WWOX: variants seen among roughly 807,000 people sequenced by gnomAD.
The protein encoded by WWOX is WW domain-containing oxidoreductase.
Under a neutral mutation model 46.2 loss-of-function variants are expected in WWOX, and 69 were observed. The ratio of observed to expected loss-of-function variants is 1.49; its 90% CI spans 1.23 to 1.82. The LOEUF is 1.82. Ranked by LOEUF, WWOX falls within the 40% of genes most tolerant of loss-of-function variation. WWOX has a pLI of 0.00. For missense variants in WWOX, 919 were observed against 542.6 expected (o/e 1.69, Z -6.89); for synonymous variants, 359 against 202.6 (o/e 1.77, Z -6.56).
At chr16:78,569,894 A>T (rs551946990) in intron 8 of WWOX, among the ~76,000 whole-genome samples, 1 of 152,218 alleles carries the variant, frequency 6.6e-6, no homozygotes, top group Non-Finnish European at 1.5e-5. Context: ...TTCCTTGATC[A>T]TAAATACCCA....
intron 5 of WWOX, among the ~76,000 whole-genome samples, chr16:78,250,613 G>T (rs2037958848): frequency 6.6e-6 from 1 of 152,142 alleles, no homozygotes; most frequent in African/African-American, 2.4e-5. Flanking sequence ...AGCTGAAGAA[G>T]ACACTCAGAG....
At chr16:78,984,657 A>C (rs532941104) in intron 8 of WWOX, among the ~76,000 whole-genome samples, 2 of 152,350 alleles carry the variant, frequency 1.3e-5, no homozygotes, top group Non-Finnish European at 2.9e-5. Context: ...TTGGAACAAC[A>C]TACAAACTGA....
At chr16:78,324,409 C>T (rs2080562742) in intron 5 of WWOX, among the ~76,000 whole-genome samples, 1 of 152,024 alleles carries the variant, frequency 6.6e-6, no homozygotes, top group Non-Finnish European at 1.5e-5. Context: ...CAAGAGTTCC[C>T]ATATGACCTA....
chr16:78,597,756 A>C (rs1597325857), intron 8 of WWOX, among the ~76,000 whole-genome samples: 1 of 77,078 alleles, frequency 1.3e-5, no homozygotes. Flanking sequence ...GTTTATTTAT[A>C]TGTGTATATA....
At chr16:78,228,871 C>A (rs1437946051) in intron 5 of WWOX, among the ~76,000 whole-genome samples, 1 of 152,122 alleles carries the variant, frequency 6.6e-6, no homozygotes, top group Non-Finnish European at 1.5e-5. Context: ...CTTTTTGTGC[C>A]AAGTGTCCGT....
intron 8 of WWOX, among the ~76,000 whole-genome samples, chr16:78,524,935 G>C (rs1194175489): frequency 6.9e-6 from 1 of 144,654 alleles, no homozygotes; most frequent in Non-Finnish European, 1.5e-5. Context: ...ACGTGATCAA[G>C]GCTCACTGCA....
intron 5 of WWOX, among the ~76,000 whole-genome samples, chr16:78,236,492 C>T (rs1453609785): frequency 6.6e-6 from 1 of 152,164 alleles, no homozygotes; most frequent in Non-Finnish European, 1.5e-5. Context: ...GGACACCTTT[C>T]ACGTGGCCAT....
At chr16:78,812,118 A>G (rs1470492660) in intron 8 of WWOX, among the ~76,000 whole-genome samples, 1 of 152,122 alleles carries the variant, frequency 6.6e-6, no homozygotes, top group African/African-American at 2.4e-5. Context: ...CCCAGCCACC[A>G]CAGAGACCAA....
chr16:79,071,221 T>C (rs2048544428), intron 8 of WWOX, among the ~76,000 whole-genome samples: 1 of 152,244 alleles, frequency 6.6e-6, no homozygotes, highest in African/African-American at 2.4e-5. Flanking sequence ...GAGTCTCACA[T>C]TGTACTCCTC....
intron 8 of WWOX, among the ~76,000 whole-genome samples, chr16:78,656,452 C>CG (rs2047083253): frequency 1.3e-5 from 2 of 151,998 alleles, no homozygotes; most frequent in Admixed American, 1.3e-4. Flanking sequence ...TTAGGGAGGC[C>CG]TAAGGAAACT....
chr16:78,777,774 T>C (rs965577372), intron 8 of WWOX, among the ~76,000 whole-genome samples: 5 of 152,128 alleles, frequency 3.3e-5, no homozygotes, highest in Admixed American at 3.3e-4. Flanking sequence ...CGACTGGGCC[T>C]GGTGGCTCAC....
rs141219014 is a variant in WWOX at position 78,589,444 on chromosome 16, C to G, written c.1056+156692C>G. Among the ~76,000 whole-genome samples the G allele has an allele frequency of 1.1e-3, 163 of 152,264 alleles. No homozygotes were observed. The South Asian group carries it at 0.011, about 10-fold the overall frequency. ...TGAAGGGGGCTGATGCCTTCTTTCACTAGCTTTATGTGGCTGGCAGTTCTG... is the reference window on the plus strand; with the variant it reads ...TGAAGGGGGCTGATGCCTTCTTTCAGTAGCTTTATGTGGCTGGCAGTTCTG... On this transcript the variant is annotated intron_variant, in intron 8 of 8. Coordinates refer to ENST00000566780, the MANE Select transcript of WWOX (RefSeq NM_016373.4).
At chr16:78,151,785 T>C (rs906063268) in intron 4 of WWOX, among the ~76,000 whole-genome samples, 6 of 152,228 alleles carry the variant, frequency 3.9e-5, no homozygotes, top group African/African-American at 1.4e-4. Flanking sequence ...ACAAGAAGTT[T>C]TCCTGCCCCC....
At chr16:78,421,747 C>G (rs1043368751) in intron 6 of WWOX, among the ~76,000 whole-genome samples, 1 of 152,242 alleles carries the variant, frequency 6.6e-6, no homozygotes, top group Admixed American at 6.5e-5. Flanking sequence ...CTGGCTAAAA[C>G]TTGATCTGCT....
At chr16:78,618,742 A>ATTCCCCACTGTC (rs1447844588) in intron 8 of WWOX, among the ~76,000 whole-genome samples, 1 of 151,966 alleles carries the variant, frequency 6.6e-6, no homozygotes, top group African/African-American at 2.4e-5. Flanking sequence ...TCATGAGAGA[A>ATTCCCCACTGTC]TTCCCCACTG....
intron 8 of WWOX, among the ~76,000 whole-genome samples, chr16:79,209,244 G>T (rs1022210412): frequency 3.3e-5 from 5 of 152,334 alleles, no homozygotes; most frequent in East Asian, 3.9e-4. Flanking sequence ...GGAAGGAAAA[G>T]GTAGGTCCCC....
rs1207718237 is a variant in WWOX at position 78,702,120 on chromosome 16, A to ATATATATATT, written c.1056+269371_1056+269372insATATATTTAT. Among the ~76,000 whole-genome samples, 272 of 130,016 alleles carry ATATATATATT rather than the reference A, an allele frequency of 2.1e-3. 11 individuals are homozygous for ATATATATATT. Among genetic ancestry groups the ATATATATATT allele is most frequent in the African/African-American group, 8.5e-3 (258 of 30,266 alleles). The allele number at this position is 130,016 out of a possible 152,430, so 85.3% of individuals were successfully genotyped here. Reference sequence around the variant, plus strand: ...TAAAGTTATATATATATATATATATATATTTATTTATTTTCAAGACATGGT... The same window carrying ATATATATATT: ...TAAAGTTATATATATATATATATATATATATATATTTATTTATTTATTTTCAAGACATGGT... On this transcript the variant is annotated intron_variant, in intron 8 of 8. Transcript: ENST00000566780.
chr16:78,557,524 G>A (rs780156642), intron 8 of WWOX, among the ~76,000 whole-genome samples: 37 of 152,034 alleles, frequency 2.4e-4, no homozygotes, highest in African/African-American at 5.1e-4. Context: ...CATGGAGCCC[G>A]TTTCACTTAC....
intron 8 of WWOX, among the ~76,000 whole-genome samples, chr16:78,910,273 A>C (rs1236959438): frequency 6.7e-6 from 1 of 150,248 alleles, no homozygotes; most frequent in African/African-American, 2.4e-5. Context: ...TTCTCCTGAC[A>C]TCATGATCAT....
Sources: gnomAD v4.1 joint callset for allele counts (sites outside exome capture counted in the v4.1 genomes callset) on GRCh38, gnomAD v4.1.1 for gene constraint, MANE v1.5 for transcripts, NCBI Gene and HGNC (gene_info 2026-07-23, HGNC 2026-07-21) for gene names.